The following PXN variants were observed in gnomAD, a reference collection of about 807,000 sequenced individuals.
PXN encodes paxillin, also known as testicular tissue protein Li 134.
PXN carries 61 observed loss-of-function variants against 103.6 expected under a neutral mutation model. The observed-to-expected ratio is 0.59, with a 90% CI of 0.48 to 0.73. The LOEUF is 0.73. PXN is among the 30% of genes least tolerant of loss of function. The pLI, the probability that PXN is intolerant of heterozygous loss-of-function variation, is 0.00. For synonymous variants in PXN, 562 were observed against 607.8 expected (o/e 0.92, Z 1.11); for missense variants, 1,274 against 1,460.3 (o/e 0.87, Z 2.08).
chr12:120,258,638 G>A (rs1893388952), intron 1 of PXN, among the ~76,000 whole-genome samples: 1 of 152,210 alleles, frequency 6.6e-6, no homozygotes, highest in Admixed American at 6.5e-5. Flanking sequence ...AGCACACAGA[G>A]AAGTTGAGAG....
rs989831482 is a variant in PXN, at chr12:120,215,232, C to T, written c.2445G>A (p.Gly815=). 1.3e-6 allele frequency: 2 copies of T among 1,591,662 alleles called. No individual in the cohort carries two copies. The highest frequency in any genetic ancestry group is 3.5e-5 in the Admixed American group (2 of 56,844). The change falls in exon 11 of 15, where the codon GGG becomes GGA. Residue 815 remains glycine, a synonymous_variant. Coordinates refer to ENST00000637617, the MANE Select transcript of PXN (RefSeq NM_001385981.1). This position sits in a 1 kb window ranked among gnomAD's most constrained non-coding sequence, Gnocchi z 4.9. ...QGKTGSSSPP[G]GPPKPGSQLD... ...GCTGGCTCCCGGGCTTCGGGGGCCC[C>T]CCAGGGGGTGAGCTGCTCCCTGTCT...
rs1435726193 is a variant in PXN at position 120,228,762 on chromosome 12, C to T, written c.14-4385G>A. ...GGCTCTGGAGAACCAGAGGGGTGCA[C>T]GCCCTCGCTTCCAGGGCCCTGTGCA... On this transcript the variant is annotated intron_variant, in intron 1 of 14. Transcript: ENST00000637617. The surrounding 1 kb of genome is among the most constrained non-coding windows in gnomAD (Gnocchi z 4.7). Among the ~76,000 whole-genome samples the T allele has an allele frequency of 1.3e-5, 2 of 152,168 alleles. No individual in the cohort carries two copies. The highest frequency in any genetic ancestry group is 2.9e-5 in the Non-Finnish European group (2 of 68,020).
chr12:120,257,571 C>G (rs1200488903), intron 1 of PXN, among the ~76,000 whole-genome samples: 2 of 152,200 alleles, frequency 1.3e-5, no homozygotes, highest in Non-Finnish European at 2.9e-5. Context: ...CTCACCTCTG[C>G]CTCAGAGCCA....
chr12:120,241,333 G>T (rs1890092605), intron 1 of PXN, among the ~76,000 whole-genome samples: 1 of 152,142 alleles, frequency 6.6e-6, no homozygotes, highest in Non-Finnish European at 1.5e-5. Context: ...ACTGACCCAG[G>T]CAGCAAACTC....
intron 1 of PXN, among the ~76,000 whole-genome samples, chr12:120,245,554 G>A (rs1246943662): frequency 2.0e-5 from 3 of 151,772 alleles, no homozygotes; most frequent in Admixed American, 6.6e-5. Flanking sequence ...TTGGGAGGCC[G>A]AGGTGGGTGG....
intron 1 of PXN, among the ~76,000 whole-genome samples, chr12:120,230,300 C>T (rs2136403213): frequency 6.6e-6 from 1 of 152,336 alleles, no homozygotes. Context: ...CCCAGACTCC[C>T]AGAGAAACAA....
intron 1 of PXN, among the ~76,000 whole-genome samples, chr12:120,241,993 G>C (rs577409033): frequency 6.6e-6 from 1 of 152,266 alleles, no homozygotes; most frequent in African/African-American, 2.4e-5. Context: ...GAGGAGTGCA[G>C]GATGCCTCCC....
At chr12:120,239,361 A>C (rs952601027) in intron 1 of PXN, among the ~76,000 whole-genome samples, 2 of 152,126 alleles carry the variant, frequency 1.3e-5, no homozygotes, top group Admixed American at 1.3e-4. Flanking sequence ...AGGCAGGTGG[A>C]TCACAGGTCA....
chr12:120,262,879 A>G (rs1161672987), intron 1 of PXN, among the ~76,000 whole-genome samples: 1 of 152,200 alleles, frequency 6.6e-6, no homozygotes, highest in Non-Finnish European at 1.5e-5. Flanking sequence ...AGTGGAGAGA[A>G]CACACAGGGA....
intron 1 of PXN, among the ~76,000 whole-genome samples, chr12:120,233,498 G>T (rs555431657): frequency 6.6e-6 from 1 of 152,102 alleles, no homozygotes. Flanking sequence ...TAGAGTCGAA[G>T]TTTCACATTG....
rs552187431 is a variant in PXN, at chr12:120,229,754, C to T, written c.14-5377G>A. On this transcript the variant is annotated intron_variant, in intron 1 of 14. Coordinates refer to ENST00000637617, the MANE Select transcript of PXN (RefSeq NM_001385981.1). The surrounding 1 kb of genome is among the most constrained non-coding windows in gnomAD (Gnocchi z 4.0). ...TAGGAGGGGAAAGAAATCACCTCCC[C>T]GTCCTATCCAATCCCTGAGGGCAAA... 1.3e-5 allele frequency among the ~76,000 whole-genome samples: 2 copies of T among 152,276 alleles called. No homozygotes were observed. The highest frequency in any genetic ancestry group is 2.1e-4 in the South Asian group (1 of 4,822).
At position 120,215,199 on chromosome 12, in the gene PXN, G is replaced by A; in HGVS notation, c.2478C>T (p.Ser826=). The change falls in exon 11 of 15, where the codon AGC becomes AGT. Residue 826 remains serine (S), a synonymous_variant. Transcript: ENST00000637617. This position sits in a 1 kb window ranked among gnomAD's most constrained non-coding sequence, Gnocchi z 4.9. Reference sequence around the variant, plus strand: ...GGTCAGACTGCAGGCTCCCCAGCATGCTGTCCAGCTGGCTCCCGGGCTTCG... The same window carrying A: ...GGTCAGACTGCAGGCTCCCCAGCATACTGTCCAGCTGGCTCCCGGGCTTCG... ...GPPKPGSQLD[S]MLGSLQSDLN... The A allele has an allele frequency of 6.3e-7, 1 of 1,597,254 alleles. No homozygotes were observed. The highest frequency in any genetic ancestry group is 8.5e-7 in the Non-Finnish European group (1 of 1,171,276).
intron 1 of PXN, among the ~76,000 whole-genome samples, chr12:120,239,208 AGCCCGAG>A (rs1473288814): frequency 4.6e-5 from 7 of 152,158 alleles, no homozygotes; most frequent in Non-Finnish European, 4.4e-5. Flanking sequence ...GCACTTTGGG[AGCCCGAG>A]GCCAACGGAT....
At chr12:120,235,476 A>C (rs1015764735) in intron 1 of PXN, among the ~76,000 whole-genome samples, 2 of 152,052 alleles carry the variant, frequency 1.3e-5, no homozygotes, top group Non-Finnish European at 2.9e-5. Context: ...GACTGCAGAG[A>C]TCACCCATGT....
Position 120,253,163 on chromosome 12 carries a change from G to C in PXN, c.13+12454C>G, listed in dbSNP as rs548741452. Among the ~76,000 whole-genome samples, 4 of 152,220 alleles carry C rather than the reference G, an allele frequency of 2.6e-5. No individual in the cohort carries two copies. The East Asian group carries it at 7.7e-4, about 29-fold the overall frequency. ...CGTAGATTTCTGATTTCTACCTTGAGGTTTCCCATATGAAAAACCAGAAAG... is the reference window on the plus strand; with the variant it reads ...CGTAGATTTCTGATTTCTACCTTGACGTTTCCCATATGAAAAACCAGAAAG... On this transcript the variant is annotated intron_variant, in intron 1 of 14. Transcript: ENST00000637617.
chr12:120,258,732 T>C (rs1893405530), intron 1 of PXN, among the ~76,000 whole-genome samples: 1 of 152,168 alleles, frequency 6.6e-6, no homozygotes, highest in Non-Finnish European at 1.5e-5. Flanking sequence ...TCTCTGCCCT[T>C]TATGTGTATA....
intron 1 of PXN, among the ~76,000 whole-genome samples, chr12:120,255,969 G>A (rs564387413): frequency 7.2e-6 from 1 of 139,058 alleles, no homozygotes; most frequent in South Asian, 2.6e-4. Context: ...GGGGGGGTGG[G>A]GCGGAGGCAG....
In PXN at chr12:120,219,646, C is replaced by T. The variant is rs1884457902; in HGVS notation, c.1277G>A (p.Cys426Tyr). The change falls in exon 7 of 15, where the codon TGC becomes TAC. Residue 426 changes from cysteine to tyrosine, a missense_variant. Coordinates refer to ENST00000637617, the MANE Select transcript of PXN (RefSeq NM_001385981.1). The surrounding 1 kb of genome is among the most constrained non-coding windows in gnomAD (Gnocchi z 6.5). Reference sequence around the variant, plus strand: ...TGTGGCAGCCAAGGCCTCCTCTGGGCACGAAGGGCTGGCTGGTGGCCCCTG... The same window carrying T: ...TGTGGCAGCCAAGGCCTCCTCTGGGTACGAAGGGCTGGCTGGTGGCCCCTG... Reference protein sequence around the residue: ...EPQGPPASPSCPEEALAATWE... With the variant: ...EPQGPPASPSYPEEALAATWE... The T allele has an allele frequency of 6.3e-7, 1 of 1,577,984 alleles. No homozygotes were observed. Among genetic ancestry groups the T allele is most frequent in the Middle Eastern group, 1.7e-4 (1 of 6,014 alleles).
chr12:120,241,679 G>A (rs1015856634), intron 1 of PXN, among the ~76,000 whole-genome samples: 2 of 152,226 alleles, frequency 1.3e-5, no homozygotes, highest in Non-Finnish European at 2.9e-5. Flanking sequence ...GGCAGAGGTG[G>A]AAAACAGCCT....
Sources: gnomAD v4.1 joint callset for allele counts (sites outside exome capture counted in the v4.1 genomes callset) on GRCh38, gnomAD v4.1.1 for gene constraint, Gnocchi (gnomAD v3.1) non-coding constraint, MANE v1.5 for transcripts, NCBI Gene and HGNC (gene_info 2026-07-23, HGNC 2026-07-21) for gene names.